Variants in PIK3R3 observed in about 807,000 individuals in gnomAD.
PIK3R3 encodes phosphoinositide-3-kinase regulatory subunit 3.
Under a neutral mutation model 62.9 loss-of-function variants are expected in PIK3R3, and 64 were observed. The ratio of observed to expected loss-of-function variants is 1.02; its 90% CI spans 0.83 to 1.25. The LOEUF is 1.25. Ranked by LOEUF, PIK3R3 falls within the 50% of genes most tolerant of loss-of-function variation. The pLI, the probability that PIK3R3 is intolerant of heterozygous loss-of-function variation, is 0.00. For missense variants in PIK3R3, 614 were observed against 561.6 expected, an observed-to-expected ratio of 1.09 and a Z score of -0.94; for synonymous variants, 165 against 189.0, an observed-to-expected ratio of 0.87 and a Z score of 1.04.
At chr1:46,146,261 T>G in the PIK3R3 span, among the ~76,000 whole-genome samples, 1 of 152,200 alleles carries the variant, frequency 6.6e-6, no homozygotes, top group Non-Finnish European at 1.5e-5. Flanking sequence ...TGAACTCTAA[T>G]GCTGACCAAA....
chr1:46,151,590 A>G, the PIK3R3 span, among the ~76,000 whole-genome samples: 2 of 152,142 alleles, frequency 1.3e-5, no homozygotes, highest in African/African-American at 2.4e-5. Flanking sequence ...AAATAATAAT[A>G]ATAAAGACAG....
At chr1:46,166,754 C>T in the PIK3R3 span, among the ~76,000 whole-genome samples, 1 of 152,210 alleles carries the variant, frequency 6.6e-6, no homozygotes, top group Non-Finnish European at 1.5e-5. Flanking sequence ...TAGTCGTGTC[C>T]AAACTGCGTT....
chr1:46,097,678 A>AGAC (rs1557606424), intron 1 of PIK3R3, among the ~76,000 whole-genome samples: 1 of 152,098 alleles, frequency 6.6e-6, no homozygotes, highest in Non-Finnish European at 1.5e-5. Flanking sequence ...ACCTGAGGTC[A>AGAC]GGAGTTCAAG....
intron 3 of PIK3R3, among the ~76,000 whole-genome samples, chr1:46,072,115 T>TTG (rs1173191578): frequency 6.6e-6 from 1 of 152,184 alleles, no homozygotes; most frequent in Non-Finnish European, 1.5e-5. Context: ...TACATTCTCT[T>TTG]AACAAAGATA....
the PIK3R3 span, among the ~76,000 whole-genome samples, chr1:46,155,966 G>C: frequency 1.8e-4 from 28 of 152,228 alleles, no homozygotes; most frequent in African/African-American, 6.3e-4. Context: ...ATGTCCACAA[G>C]GCCTAAGATA....
intron 6 of PIK3R3, among the ~76,000 whole-genome samples, chr1:46,057,724 C>T (rs200117193): frequency 3.3e-5 from 5 of 152,050 alleles, no homozygotes; most frequent in East Asian, 3.8e-4. Flanking sequence ...GGATATCTGG[C>T]GGAAGAAATT....
chr1:46,134,333 G>A (rs1321461613), upstream of PIK3R3, among the ~76,000 whole-genome samples: 1 of 152,182 alleles, frequency 6.6e-6, no homozygotes, highest in African/African-American at 2.4e-5. Flanking sequence ...CAGTTCCTGA[G>A]GGCAGACAGT....
At chr1:46,156,479 G>T in the PIK3R3 span, among the ~76,000 whole-genome samples, 2 of 150,600 alleles carry the variant, frequency 1.3e-5, no homozygotes, top group South Asian at 4.2e-4. Flanking sequence ...AAAAAAAAAG[G>T]TATGTGACAT....
At chr1:46,144,422 C>A in the PIK3R3 span, among the ~76,000 whole-genome samples, 1 of 152,096 alleles carries the variant, frequency 6.6e-6, no homozygotes, top group Non-Finnish European at 1.5e-5. Context: ...GAGCCATATA[C>A]CATATGTCAA....
the PIK3R3 span, among the ~76,000 whole-genome samples, chr1:46,163,932 C>T: frequency 2.6e-5 from 4 of 152,170 alleles, no homozygotes; most frequent in Non-Finnish European, 5.9e-5. Context: ...CATGATTGTG[C>T]CCAGAGAAAC....
chr1:46,074,302 AAAAAAAAAAAAAAAAC>A (rs1317364840), intron 3 of PIK3R3, among the ~76,000 whole-genome samples: 32 of 144,646 alleles, frequency 2.2e-4, no homozygotes, highest in African/African-American at 6.5e-4. Flanking sequence ...AAAAAAAAAA[AAAAAAAAAAAAAAAAC>A]CAATAAATTC....
At chr1:46,113,795 T>C (rs759884189) in intron 1 of PIK3R3, among the ~76,000 whole-genome samples, 4 of 152,204 alleles carry the variant, frequency 2.6e-5, no homozygotes, top group Non-Finnish European at 5.9e-5. Flanking sequence ...GGGCTAGGTA[T>C]TGAAGATCCA....
chr1:46,108,421 G>A (rs1479829444), intron 1 of PIK3R3, among the ~76,000 whole-genome samples: 1 of 152,150 alleles, frequency 6.6e-6, no homozygotes, highest in Admixed American at 6.5e-5. Context: ...GAGTCCTGCT[G>A]AAGAAAATCA....
In PIK3R3 at chr1:46,043,614, A is replaced by G; in HGVS notation, c.*59T>C. The G allele has an allele frequency of 7.3e-7, 1 of 1,373,122 alleles. No homozygotes were observed. Among genetic ancestry groups the G allele is most frequent in the Non-Finnish European group, 1.0e-6 (1 of 963,036 alleles). The allele number at this position is 1,373,122 out of a possible 1,614,324, so 85.1% of individuals were successfully genotyped here. On this transcript the variant is annotated 3_prime_UTR_variant, in exon 10 of 10. Transcript: ENST00000262741. ...TATGTAGAAAGAATGCCCTCATCGT[A>G]GTCTAATAAAAACTGTAGAAAAAAA...
the PIK3R3 span, among the ~76,000 whole-genome samples, chr1:46,145,343 A>G: frequency 6.7e-6 from 1 of 150,308 alleles, no homozygotes; most frequent in African/African-American, 2.5e-5. Context: ...TGTTGCTATA[A>G]CAGAATACCT....
chr1:46,058,692 T>G (rs1048955648), intron 6 of PIK3R3, among the ~76,000 whole-genome samples: 4 of 152,198 alleles, frequency 2.6e-5, no homozygotes, highest in Non-Finnish European at 4.4e-5. Flanking sequence ...TTTCTTCCAT[T>G]TGGAACAGGT....
intron 1 of PIK3R3, among the ~76,000 whole-genome samples, chr1:46,089,881 A>T (rs1651451555): frequency 6.6e-6 from 1 of 151,906 alleles, no homozygotes; most frequent in African/African-American, 2.4e-5. Context: ...ATGGCATAAG[A>T]GAAGTAAATC....
At chr1:46,103,794 C>A (rs1187215301) in intron 1 of PIK3R3, among the ~76,000 whole-genome samples, 1 of 151,836 alleles carries the variant, frequency 6.6e-6, no homozygotes, top group East Asian at 2.0e-4. Flanking sequence ...TGGGGTTTCA[C>A]CATGTTGGCC....
At chr1:46,131,519 AAAAAT>A (rs1461183394) in intron 1 of PIK3R3, among the ~76,000 whole-genome samples, 6 of 152,204 alleles carry the variant, frequency 3.9e-5, no homozygotes, top group Non-Finnish European at 7.3e-5. Flanking sequence ...TGAAAAAGAA[AAAAAT>A]AAAATAAAGT....
Sources: gnomAD v4.1 joint callset for allele counts (sites outside exome capture counted in the v4.1 genomes callset) on GRCh38, gnomAD v4.1.1 for gene constraint, MANE v1.5 for transcripts, NCBI Gene and HGNC (gene_info 2026-07-23, HGNC 2026-07-21) for gene names.